Variants in WDFY4 observed in about 807,000 individuals in gnomAD.
WDFY4 encodes the protein WDFY family member 4, also known as WD repeat- and FYVE domain-containing protein 4.
In WDFY4, 169 loss-of-function variants were observed where a neutral mutation model predicts 351.9. The ratio of observed to expected loss-of-function variants is 0.48; its 90% confidence interval spans 0.42 to 0.55. The LOEUF (loss-of-function observed/expected upper bound fraction) is 0.55. Ranked by LOEUF, WDFY4 falls within the 20% of genes least tolerant of loss-of-function variation. The pLI is 0.00. For synonymous variants in WDFY4, 1,622 were observed against 1,574.6 expected, an observed-to-expected ratio of 1.03 and a Z score of -0.71; for missense variants, 3,803 against 3,935.6, an observed-to-expected ratio of 0.97 and a Z score of 0.90.
chr10:48,710,019 C>CTGGGATGA, intron 2 of WDFY4, 53 bp downstream of exon 2: 1 of 1,448,624 alleles, frequency 6.9e-7, no homozygotes, highest in Non-Finnish European at 9.3e-7. Flanking sequence ...TGGGACACTT[C>CTGGGATGA]TGGGATGATT....
intron 43 of WDFY4, among the ~76,000 whole-genome samples, chr10:48,883,182 G>A (rs537944521): frequency 4.4e-4 from 67 of 152,292 alleles, no homozygotes; most frequent in Admixed American, 2.0e-3. Context: ...CACCAACATG[G>A]CATCTCTGCC....
chr10:48,834,552 C>A (rs2068312115), intron 39 of WDFY4, among the ~76,000 whole-genome samples: 1 of 152,168 alleles, frequency 6.6e-6, no homozygotes, highest in Non-Finnish European at 1.5e-5. Flanking sequence ...ATATGTGTAC[C>A]AAGTCCTAAA....
At chr10:48,845,298 T>C (rs577003976) in intron 39 of WDFY4, among the ~76,000 whole-genome samples, 1 of 152,262 alleles carries the variant, frequency 6.6e-6, no homozygotes, top group South Asian at 2.1e-4. Flanking sequence ...CAAACCCCTG[T>C]CCCCACACTG....
Position 48,743,306 on chromosome 10 carries a change from C to A in WDFY4, c.2217C>A (p.Ala739=). The A allele has an allele frequency of 6.4e-7, 1 of 1,551,688 alleles. No individual in the cohort carries two copies. The highest frequency in any genetic ancestry group is 8.7e-7 in the Non-Finnish European group (1 of 1,146,976). ...TGCGCTCTTGGGTGGACACAAAGGC[C>A]AGGCCATTTGCAGATTTGCTGGGCA... is the stretch of plus-strand genomic sequence containing the variant. ...NLLRSWVDTK[A]RPFADLLGTA... The change falls in exon 12 of 62, where the codon GCC becomes GCA. Residue 739 remains alanine (A), a synonymous_variant. Transcript: ENST00000325239.
rs1841029541 is a variant in WDFY4, at chr10:48,946,065, T to C, written c.7775T>C (p.Ile2592Thr). 1 of 1,545,122 alleles carries C rather than the reference T, an allele frequency of 6.5e-7. No homozygotes were observed. The highest frequency in any genetic ancestry group is 8.7e-7 in the Non-Finnish European group (1 of 1,145,316). The change falls in exon 50 of 62, where the codon ATT becomes ACT. Residue 2592 changes from isoleucine (I) to threonine (T), a missense_variant. Ile to Thr is a moderately conservative substitution (Grantham distance 89, BLOSUM62 -1). Around this residue, in one of 3 missense-constraint regions of WDFY4, gnomAD observed 3,054 missense variants for 3,148.6 expected, o/e 0.97. Coordinates refer to ENST00000325239, the MANE Select transcript of WDFY4 (RefSeq NM_001394531.1). ...SETLNLANPK[I>T]FRDLSKPMGA... ...ACATTGAACTTGGCAAATCCGAAGA[T>C]TTTCCGGGATCTTTCAAAGCCCATG...
chr10:48,777,585 T>C lies in WDFY4; in HGVS notation c.3175+90T>C, dbSNP rs906973531. 12 of 1,279,774 alleles carry C rather than the reference T, an allele frequency of 9.4e-6. No homozygotes were observed. The African/African-American group carries it at 1.5e-4, about 16-fold the overall frequency. The allele number at this position is 1,279,774 out of a possible 1,614,324, so 79.3% of individuals were successfully genotyped here. ...TTGATTGCAGATTTTTACTTGGTGTTTCAATAAAGTGTGAGCTGTGCTGGG... is the reference window on the plus strand; with the variant it reads ...TTGATTGCAGATTTTTACTTGGTGTCTCAATAAAGTGTGAGCTGTGCTGGG... On this transcript the variant is annotated intron_variant, in intron 17 of 61. Transcript: ENST00000325239.
At position 48,696,609 on chromosome 10, in the gene WDFY4, A is replaced by G. The variant is rs2063338422; in HGVS notation, c.-18+11608A>G. Among the ~76,000 whole-genome samples the G allele has an allele frequency of 3.9e-5, 6 of 152,212 alleles. No homozygotes were observed. In the South Asian group the frequency reaches 1.2e-3, roughly 31 times the overall value. On this transcript the variant is annotated intron_variant, in intron 1 of 61. Coordinates refer to ENST00000325239, the MANE Select transcript of WDFY4 (RefSeq NM_001394531.1). ...TCAGCGGCCAGCCCAGGGGGAGGTG[A>G]TGAAGGCAAAAGGAAGGGTCTAGGC...
At chr10:48,879,823 T>C (rs1405983957) in intron 43 of WDFY4, among the ~76,000 whole-genome samples, 3 of 152,162 alleles carry the variant, frequency 2.0e-5, no homozygotes, top group African/African-American at 7.2e-5. Context: ...CCTCCTTTCA[T>C]TTCCTGCAGT....
At chr10:48,903,765 A>G (rs142259016) in intron 47 of WDFY4, among the ~76,000 whole-genome samples, 1 of 152,312 alleles carries the variant, frequency 6.6e-6, no homozygotes, top group East Asian at 1.9e-4. Flanking sequence ...TATTGGGCAT[A>G]TGAATCTGGA....
intron 1 of WDFY4, among the ~76,000 whole-genome samples, chr10:48,698,014 C>T (rs757163801): frequency 8.5e-5 from 13 of 152,296 alleles, no homozygotes; most frequent in African/African-American, 2.4e-4. Flanking sequence ...TGTTCTCCTA[C>T]GGTCCTGTGC....
intron 13 of WDFY4, among the ~76,000 whole-genome samples, chr10:48,767,305 G>A (rs988646993): frequency 6.6e-6 from 1 of 152,210 alleles, no homozygotes; most frequent in Non-Finnish European, 1.5e-5. Flanking sequence ...CCCTGTGTAT[G>A]GGTACATCAG....
In WDFY4 at chr10:48,752,801, A is replaced by G. The variant is rs191250977; in HGVS notation, c.2460-7546A>G. ...TCATTTGTTGATGAACATTTGGGTT[A>G]TTTCCTTTGGTTCTTGTAAATAGTG... On this transcript the variant is annotated intron_variant, in intron 12 of 61. Coordinates refer to ENST00000325239, the MANE Select transcript of WDFY4 (RefSeq NM_001394531.1). Among the ~76,000 whole-genome samples, 80 of 152,308 alleles carry G rather than the reference A, an allele frequency of 5.3e-4. 1 individual carries two copies. The highest frequency in any genetic ancestry group is 1.9e-3 in the African/African-American group (78 of 41,578).
At chr10:48,879,612 C>T in intron 43 of WDFY4, among the ~76,000 whole-genome samples, 1 of 152,236 alleles carries the variant, frequency 6.6e-6, no homozygotes, top group Admixed American at 6.5e-5. Flanking sequence ...TCTGCTAGAG[C>T]CTCAGATGGC....
At chr10:48,706,459 C>T (rs1419393354) in intron 1 of WDFY4, among the ~76,000 whole-genome samples, 1 of 152,194 alleles carries the variant, frequency 6.6e-6, no homozygotes, top group African/African-American at 2.4e-5. Flanking sequence ...ACATACTTAG[C>T]TCCTCACTCT....
At chr10:48,946,331 G>T (rs1375075878) in intron 50 of WDFY4, among the ~76,000 whole-genome samples, 174 bp downstream of exon 50, 1 of 152,236 alleles carries the variant, frequency 6.6e-6, no homozygotes, top group Non-Finnish European at 1.5e-5. Flanking sequence ...CTGATGTCCA[G>T]GCCTCACCTC....
intron 1 of WDFY4, among the ~76,000 whole-genome samples, chr10:48,703,854 C>T (rs2063548351): frequency 2.6e-5 from 4 of 152,142 alleles, no homozygotes; most frequent in African/African-American, 9.7e-5. Context: ...CAATGCAGAG[C>T]GAGCTCTGAT....
chr10:48,896,633 C>T (rs12253134), intron 44 of WDFY4, among the ~76,000 whole-genome samples: 17 of 152,070 alleles, frequency 1.1e-4, no homozygotes, highest in African/African-American at 7.2e-5. Flanking sequence ...GCCTTGCCAG[C>T]GGCCTCTTTG....
chr10:48,745,982 G>T, intron 12 of WDFY4: 1 of 180,366 alleles, frequency 5.5e-6, no homozygotes, highest in Non-Finnish European at 1.2e-5. Context: ...GGGTACTTCA[G>T]CTTATTTCTG....
rs1177383401 is a variant in WDFY4 at position 48,760,340 on chromosome 10, T to C, written c.2460-7T>C. The C allele has an allele frequency of 1.2e-5, 18 of 1,550,926 alleles. No homozygotes were observed. Among genetic ancestry groups the C allele is most frequent in the Admixed American group, 7.8e-5 (4 of 50,978 alleles). ...TGTCTCATGTCTGGCTCTCCCTCTC[T>C]CTGCAGGATGGATGAGGGAGATGCT... On this transcript the variant is annotated splice_region_variant and splice_polypyrimidine_tract_variant and intron_variant, in intron 12 of 61. Transcript: ENST00000325239.
Sources: allele counts gnomAD v4.1 joint callset (sites outside exome capture counted in the v4.1 genomes callset), GRCh38; gene constraint gnomAD v4.1.1; regional missense constraint gnomAD v4.1.1; transcripts MANE v1.5; gene names NCBI Gene and HGNC (gene_info 2026-07-23, HGNC 2026-07-21).